The following ADAMTS19 variants were observed in gnomAD, a reference collection of about 807,000 sequenced individuals.
ADAMTS19 encodes the protein ADAM metallopeptidase with thrombospondin type 1 motif 19, also known as A disintegrin and metalloproteinase with thrombospondin motifs 19.
Under a neutral mutation model 153.3 loss-of-function variants are expected in ADAMTS19, and 93 were observed. The ratio of observed to expected loss-of-function variants is 0.61; its 90% CI spans 0.51 to 0.72. The LOEUF (loss-of-function observed/expected upper bound fraction) is 0.72. Among genes scored for constraint, ADAMTS19 ranks in the 30% least tolerant of loss-of-function variants. ADAMTS19 has a pLI of 0.00. For missense variants in ADAMTS19, 1,482 were observed against 1,552.1 expected, an observed-to-expected ratio of 0.95 and a Z score of 0.76; for synonymous variants, 600 against 556.6, an observed-to-expected ratio of 1.08 and a Z score of -1.10.
intron 21 of ADAMTS19, among the ~76,000 whole-genome samples, chr5:129,713,775 A>C (rs2127185262): frequency 6.6e-6 from 1 of 151,830 alleles, no homozygotes; most frequent in African/African-American, 2.4e-5. Context: ...AAAAAAAAAA[A>C]ATTAACAAAA....
chr5:129,531,967 T>C (rs1177033538), intron 6 of ADAMTS19, among the ~76,000 whole-genome samples: 10 of 152,040 alleles, frequency 6.6e-5, no homozygotes, highest in African/African-American at 1.7e-4. Context: ...CTGGACACCT[T>C]TGCGAAAAAA....
intron 6 of ADAMTS19, among the ~76,000 whole-genome samples, chr5:129,538,706 C>T (rs1332025967): frequency 2.0e-5 from 3 of 152,088 alleles, no homozygotes; most frequent in Admixed American, 6.6e-5. Flanking sequence ...TTGTTGAAGT[C>T]ATCTTACATA....
chr5:129,573,233 T>G (rs935802091), intron 7 of ADAMTS19, among the ~76,000 whole-genome samples: 2 of 152,198 alleles, frequency 1.3e-5, no homozygotes, highest in South Asian at 2.1e-4. Flanking sequence ...CAATATTTTT[T>G]GCAGATTTTA....
At chr5:129,600,088 G>A (rs1446225710) in intron 8 of ADAMTS19, among the ~76,000 whole-genome samples, 1 of 152,092 alleles carries the variant, frequency 6.6e-6, no homozygotes, top group Non-Finnish European at 1.5e-5. Context: ...AAGGCACAAT[G>A]TAAGAAGAAA....
At position 129,654,445 on chromosome 5, in the gene ADAMTS19, C is replaced by CAA. The variant is rs559639236; in HGVS notation, c.2304+22_2304+23dup. ...ATGGCAGGTGCCAGGTAAGACATTC[C>CAA]AAAAAAAAAAAGAATTTATATGTTG... On this transcript the variant is annotated intron_variant, in intron 14 of 22. Transcript: ENST00000274487. The CAA allele has an allele frequency of 1.7e-5, 20 of 1,206,072 alleles. No individual in the cohort carries two copies. Among genetic ancestry groups the CAA allele is most frequent in the Middle Eastern group, 2.1e-4 (1 of 4,856 alleles). 74.7% of individuals were successfully genotyped at this position (1,206,072 alleles called of 1,614,324 possible). A position where few individuals can be genotyped will look rare whatever the true frequency, so the allele number is the denominator to read the frequency against.
At chr5:129,655,853 G>GTTTT (rs1476739525) in intron 14 of ADAMTS19, among the ~76,000 whole-genome samples, 12 of 152,152 alleles carry the variant, frequency 7.9e-5, no homozygotes, top group African/African-American at 2.7e-4. Context: ...ATTGGCATAA[G>GTTTT]AAGCAGTCTT....
At position 129,737,979 on chromosome 5, in the gene ADAMTS19, A is replaced by T. The variant is rs1208967648; in HGVS notation, c.*761A>T. On this transcript the variant is annotated 3_prime_UTR_variant, in exon 23 of 23. Transcript: ENST00000274487. Reference sequence around the variant, plus strand: ...TCTTACAAAAAATGTGTATTATTTTAACATGTTATCACTAGATTTTAGCTT... The same window carrying T: ...TCTTACAAAAAATGTGTATTATTTTTACATGTTATCACTAGATTTTAGCTT... 1.3e-5 allele frequency: 2 copies of T among 152,518 alleles called. No homozygotes were observed. The highest frequency in any genetic ancestry group is 4.8e-5 in the African/African-American group (2 of 41,440). The allele number at this position is 152,518 out of a possible 1,614,324, so 9.4% of individuals were successfully genotyped here.
chr5:129,470,787 G>A (rs568589984), intron 2 of ADAMTS19, among the ~76,000 whole-genome samples: 2 of 152,112 alleles, frequency 1.3e-5, no homozygotes, highest in African/African-American at 4.8e-5. Flanking sequence ...GAATGGTGCT[G>A]GTGAGCCCAG....
chr5:129,623,922 C>A (rs951020726), intron 10 of ADAMTS19, among the ~76,000 whole-genome samples: 1 of 151,304 alleles, frequency 6.6e-6, no homozygotes, highest in African/African-American at 2.4e-5. Flanking sequence ...AGATCGAGAC[C>A]ATCCTGGCTA....
intron 2 of ADAMTS19, among the ~76,000 whole-genome samples, chr5:129,463,384 T>TA (rs1749753058): frequency 1.3e-5 from 2 of 152,150 alleles, no homozygotes; most frequent in Non-Finnish European, 1.5e-5. Flanking sequence ...CCCTAGAACT[T>TA]AAAGTATTTA....
chr5:129,572,924 A>G (rs1753964756), intron 7 of ADAMTS19, among the ~76,000 whole-genome samples: 1 of 152,092 alleles, frequency 6.6e-6, no homozygotes, highest in Admixed American at 6.6e-5. Flanking sequence ...TTTAAAAATT[A>G]AAGTTAGAAC....
At chr5:129,502,655 T>A (rs1188814042) in intron 2 of ADAMTS19, among the ~76,000 whole-genome samples, 2 of 152,216 alleles carry the variant, frequency 1.3e-5, no homozygotes, top group Non-Finnish European at 2.9e-5. Context: ...AAGCCAACAT[T>A]GGAAATGCCC....
At chr5:129,615,867 A>G (rs929274892) in intron 8 of ADAMTS19, among the ~76,000 whole-genome samples, 1 of 151,998 alleles carries the variant, frequency 6.6e-6, no homozygotes, top group African/African-American at 2.4e-5. Flanking sequence ...TAGTGTTCCA[A>G]TCCCAGTAGA....
chr5:129,675,563 T>C (rs2127105751), intron 16 of ADAMTS19, among the ~76,000 whole-genome samples: 1 of 152,282 alleles, frequency 6.6e-6, no homozygotes, highest in Non-Finnish European at 1.5e-5. Flanking sequence ...ACAGATATTA[T>C]GTATATTTTT....
chr5:129,691,752 A>G (rs1353664951), intron 18 of ADAMTS19, among the ~76,000 whole-genome samples: 1 of 152,148 alleles, frequency 6.6e-6, no homozygotes, highest in Admixed American at 6.6e-5. Context: ...GCACCTTCAT[A>G]CTTTCTTAGA....
chr5:129,702,497 A>G (rs1026793379), intron 20 of ADAMTS19, among the ~76,000 whole-genome samples: 1 of 152,160 alleles, frequency 6.6e-6, no homozygotes, highest in Non-Finnish European at 1.5e-5. Flanking sequence ...TGAGGATAAC[A>G]TAGCTTAGAT....
At chr5:129,560,278 A>G (rs2126840169) in intron 7 of ADAMTS19, among the ~76,000 whole-genome samples, 1 of 152,334 alleles carries the variant, frequency 6.6e-6, no homozygotes, top group Middle Eastern at 3.4e-3. Flanking sequence ...AAAGTAGACA[A>G]GTTTTCATGC....
intron 8 of ADAMTS19, among the ~76,000 whole-genome samples, chr5:129,602,959 G>A (rs977473432): frequency 6.6e-6 from 1 of 151,536 alleles, no homozygotes; most frequent in Non-Finnish European, 1.5e-5. Flanking sequence ...CTCAGTAAAT[G>A]ATCTTACTAC....
chr5:129,492,467 A>G (rs1489376739), intron 2 of ADAMTS19, among the ~76,000 whole-genome samples: 1 of 151,684 alleles, frequency 6.6e-6, no homozygotes, highest in Non-Finnish European at 1.5e-5. Flanking sequence ...AACCATTTTG[A>G]CAGAGAGTAC....
Sources: allele counts gnomAD v4.1 joint callset (sites outside exome capture counted in the v4.1 genomes callset), GRCh38; gene constraint gnomAD v4.1.1; transcripts MANE v1.5; gene names NCBI Gene and HGNC (gene_info 2026-07-23, HGNC 2026-07-21).